PPP1R16B: variants seen among roughly 807,000 people sequenced by gnomAD.
PPP1R16B encodes protein phosphatase 1 regulatory subunit 16B, also known as protein phosphatase 1 regulatory inhibitor subunit 16B.
In PPP1R16B, 14 loss-of-function variants were observed where a neutral mutation model predicts 61.7. That is an observed-to-expected ratio of 0.23 (90% confidence interval 0.15 to 0.35). PPP1R16B has a LOEUF of 0.35. PPP1R16B is among the 10% of genes least tolerant of loss of function. The pLI is 1.00. For missense variants in PPP1R16B, 547 were observed against 752.5 expected, an observed-to-expected ratio of 0.73 and a Z score of 3.19; for synonymous variants, 266 against 305.3, an observed-to-expected ratio of 0.87 and a Z score of 1.34.
At chr20:38,883,867 G>T (rs919867966) in intron 2 of PPP1R16B, among the ~76,000 whole-genome samples, 1 of 152,194 alleles carries the variant, frequency 6.6e-6, no homozygotes, top group Non-Finnish European at 1.5e-5. Context: ...TGCCATGAGG[G>T]AGCACTGTTG....
At chr20:38,827,278 A>G (rs1246211801) in intron 1 of PPP1R16B, among the ~76,000 whole-genome samples, 1 of 152,098 alleles carries the variant, frequency 6.6e-6, no homozygotes, top group Non-Finnish European at 1.5e-5. Flanking sequence ...TGCTCCCAAT[A>G]TGGCCCAGCC....
At chr20:38,808,589 A>G (rs1455286214) in intron 1 of PPP1R16B, among the ~76,000 whole-genome samples, 1 of 143,482 alleles carries the variant, frequency 7.0e-6, no homozygotes, top group Non-Finnish European at 1.5e-5. Flanking sequence ...GTCTAATTTT[A>G]ATTAGGGATC....
chr20:38,809,948 G>A (rs1226254450), intron 1 of PPP1R16B, among the ~76,000 whole-genome samples: 1 of 123,062 alleles, frequency 8.1e-6, no homozygotes, highest in Non-Finnish European at 1.6e-5. Flanking sequence ...GTGCACCTCT[G>A]CACTCTAGCC....
chr20:38,900,888 C>A (rs1164305346), intron 5 of PPP1R16B, among the ~76,000 whole-genome samples: 1 of 152,202 alleles, frequency 6.6e-6, no homozygotes, highest in African/African-American at 2.4e-5. Flanking sequence ...ACATGCTGCG[C>A]AGAAGGGAGG....
rs1482355665 is a variant in PPP1R16B at position 38,918,655 on chromosome 20, C to T, written c.1693C>T (p.Arg565Cys). The T allele has an allele frequency of 1.3e-6, 2 of 1,511,244 alleles. No individual in the cohort carries two copies. Among genetic ancestry groups the T allele is most frequent in the African/African-American group, 1.4e-5 (1 of 71,606 alleles). The allele number at this position is 1,511,244 out of a possible 1,614,324, so 93.6% of individuals were successfully genotyped here. ...GGAGGAGAAGGTGCATGGCTGTTGC[C>T]GTATCTCCTAGTCTCCGTGTGATGG... ...EMEEKVHGCCRIS is the reference protein window; with the variant it reads ...EMEEKVHGCCCIS The change falls in exon 11 of 11, where the codon CGT becomes TGT. Residue 565 changes from arginine (R) to cysteine (C), a missense_variant. Arg to Cys is a radical substitution (Grantham distance 180, BLOSUM62 -3). Coordinates refer to ENST00000299824, the MANE Select transcript of PPP1R16B (RefSeq NM_015568.4). The surrounding 1 kb of genome is among the most constrained non-coding windows in gnomAD (Gnocchi z 5.3).
At chr20:38,887,292 T>G (rs1199259344) in intron 2 of PPP1R16B, among the ~76,000 whole-genome samples, 1 of 152,180 alleles carries the variant, frequency 6.6e-6, no homozygotes, top group Non-Finnish European at 1.5e-5. Context: ...GGTAGGATGA[T>G]TGTGCACAGC....
At chr20:38,808,831 C>T (rs959363480) in intron 1 of PPP1R16B, among the ~76,000 whole-genome samples, 7 of 151,926 alleles carry the variant, frequency 4.6e-5, no homozygotes, top group East Asian at 1.9e-4. Context: ...GTCAGGAGTT[C>T]GAGACCAGCT....
intron 2 of PPP1R16B, among the ~76,000 whole-genome samples, chr20:38,864,365 G>A (rs563063967): frequency 1.6e-4 from 24 of 152,300 alleles, no homozygotes; most frequent in Admixed American, 7.2e-4. Context: ...CAATAAAGCC[G>A]TTTAAAAATG....
In PPP1R16B at chr20:38,836,069, G is replaced by T; in HGVS notation, c.144G>T (p.Lys48Asn). 6.2e-7 allele frequency: 1 copy of T among 1,611,534 alleles called. No individual in the cohort carries two copies. The highest frequency in any genetic ancestry group is 8.5e-7 in the Non-Finnish European group (1 of 1,179,482). ...ACGAGCAGGACTTGCAGCACCGCAA[G>T]CGAAAGCATGAGCGGAAGCGCAGCA... ...AQYEQDLQHR[K>N]RKHERKRSTG... The change falls in exon 2 of 11, where the codon AAG becomes AAT. Residue 48 changes from lysine (K) to asparagine (N), a missense_variant. Physicochemically the swap from Lys to Asn is moderately conservative, Grantham distance 94. Transcript: ENST00000299824.
intron 2 of PPP1R16B, among the ~76,000 whole-genome samples, chr20:38,843,218 G>A (rs568729498): frequency 1.3e-5 from 2 of 152,382 alleles, no homozygotes; most frequent in Non-Finnish European, 2.9e-5. Context: ...AAGTCAGAAT[G>A]ATAAACACAT....
chr20:38,884,275 T>C (rs1467559101), intron 2 of PPP1R16B, among the ~76,000 whole-genome samples: 3 of 152,148 alleles, frequency 2.0e-5, no homozygotes, highest in Admixed American at 6.5e-5. Flanking sequence ...CAGACTATGA[T>C]GAGAACAGTG....
intron 2 of PPP1R16B, among the ~76,000 whole-genome samples, chr20:38,855,970 A>AAGGAGGAGGAGGAGGAG (rs1329898521): frequency 8.0e-5 from 2 of 25,126 alleles, no homozygotes; most frequent in African/African-American, 2.8e-4. Context: ...AGAGAGAGAG[A>AAGGAGGAGGAGGAGGAG]GAGAGAGAGA....
rs987341539 is a variant in PPP1R16B, at chr20:38,920,463, C to T, written c.*1797C>T. On this transcript the variant is annotated 3_prime_UTR_variant, in exon 11 of 11. Coordinates refer to ENST00000299824, the MANE Select transcript of PPP1R16B (RefSeq NM_015568.4). ...TAGGGGCTTGGGACTGGAAGACCAT[C>T]CCCGCCTTGTGCCACAACTTTGGTC... 1.3e-5 allele frequency: 2 copies of T among 152,682 alleles called. No homozygotes were observed. The highest frequency in any genetic ancestry group is 4.8e-5 in the African/African-American group (2 of 41,466). 9.5% of individuals were successfully genotyped at this position (152,682 alleles called of 1,614,324 possible).
At chr20:38,874,379 C>T (rs1247385471) in intron 2 of PPP1R16B, among the ~76,000 whole-genome samples, 1 of 152,154 alleles carries the variant, frequency 6.6e-6, no homozygotes, top group African/African-American at 2.4e-5. Flanking sequence ...ACACTATGGT[C>T]AGCACTTTAT....
chr20:38,895,948 C>T (rs1255872890), intron 4 of PPP1R16B, among the ~76,000 whole-genome samples: 3 of 100,090 alleles, frequency 3.0e-5, no homozygotes, highest in Admixed American at 1.0e-4. Context: ...TTCTTCCCTC[C>T]CTCCCTCCTT....
At chr20:38,912,718 A>G (rs545290509) in intron 10 of PPP1R16B, among the ~76,000 whole-genome samples, 1 of 151,932 alleles carries the variant, frequency 6.6e-6, no homozygotes, top group South Asian at 2.1e-4. Flanking sequence ...CTCAGGACCC[A>G]CTCCAGATGT....
At chr20:38,888,927 A>ACC (rs1193395242) in intron 2 of PPP1R16B, among the ~76,000 whole-genome samples, 22 of 130,068 alleles carry the variant, frequency 1.7e-4, no homozygotes, top group South Asian at 2.5e-4. Context: ...ACACACACAC[A>ACC]CCCCTAGACA....
intron 4 of PPP1R16B, among the ~76,000 whole-genome samples, chr20:38,900,108 G>T (rs567252374): frequency 6.6e-6 from 1 of 152,192 alleles, no homozygotes; most frequent in Admixed American, 6.5e-5. Flanking sequence ...CTGAGTCTTT[G>T]TTTCCCCTTG....
chr20:38,889,563 G>A lies in PPP1R16B; in HGVS notation c.251-32G>A, dbSNP rs377372391. 56 of 1,528,590 alleles carry A rather than the reference G, an allele frequency of 3.7e-5. No homozygotes were observed. The East Asian group carries it at 5.6e-4, about 15-fold the overall frequency. 94.7% of individuals were successfully genotyped at this position (1,528,590 alleles called of 1,614,324 possible). A position where few individuals can be genotyped will look rare whatever the true frequency, so the allele number is the denominator to read the frequency against. On this transcript the variant is annotated intron_variant, in intron 2 of 10. Coordinates refer to ENST00000299824, the MANE Select transcript of PPP1R16B (RefSeq NM_015568.4). ...CATGCCTGCACACCCAGTGTGCAAC[G>A]GGAAGCTCACTCCTGTACCCTCCTA... is the stretch of plus-strand genomic sequence containing the variant.
Sources: gnomAD v4.1 joint callset for allele counts (sites outside exome capture counted in the v4.1 genomes callset) on GRCh38, gnomAD v4.1.1 for gene constraint, Gnocchi (gnomAD v3.1) non-coding constraint, MANE v1.5 for transcripts, NCBI Gene and HGNC (gene_info 2026-07-23, HGNC 2026-07-21) for gene names.